Variants in NR6A1 observed in about 807,000 individuals in gnomAD.
NR6A1 encodes the protein retinoic acid receptor-related testis-associated receptor.
NR6A1 carries 7 observed loss-of-function variants against 59.1 expected under a neutral mutation model. That is an observed-to-expected ratio of 0.12 (90% CI 0.07 to 0.22). The LOEUF (loss-of-function observed/expected upper bound fraction) is 0.22. Among genes scored for constraint, NR6A1 ranks in the 10% least tolerant of loss-of-function variants. The pLI is 1.00. For synonymous variants in NR6A1, 243 were observed against 236.1 expected (o/e 1.03, Z -0.27); for missense variants, 468 against 611.6 (o/e 0.77, Z 2.48).
At chr9:124,640,566 C>T (rs1836742439) in intron 2 of NR6A1, among the ~76,000 whole-genome samples, 1 of 151,900 alleles carries the variant, frequency 6.6e-6, no homozygotes, top group African/African-American at 2.4e-5. Context: ...TGCCTGACTA[C>T]TTTTAAAATT....
chr9:124,759,906 G>T (rs757631340), intron 1 of NR6A1, among the ~76,000 whole-genome samples: 5 of 151,856 alleles, frequency 3.3e-5, no homozygotes, highest in Non-Finnish European at 7.4e-5. Flanking sequence ...TGGGTGCGAT[G>T]GTGGGCACCT....
chr9:124,531,687 A>G (rs539266323), intron 7 of NR6A1, among the ~76,000 whole-genome samples: 2 of 152,228 alleles, frequency 1.3e-5, no homozygotes, highest in South Asian at 4.1e-4. Flanking sequence ...CCAAACTCAG[A>G]GTTACTCATC....
intron 2 of NR6A1, among the ~76,000 whole-genome samples, chr9:124,592,952 G>T (rs1835169949): frequency 3.3e-5 from 5 of 152,252 alleles, no homozygotes; most frequent in Admixed American, 2.6e-4. Flanking sequence ...CTCTGGAAAA[G>T]GATACAGTAA....
intron 1 of NR6A1, among the ~76,000 whole-genome samples, chr9:124,757,473 A>AC (rs1840666581): frequency 6.6e-6 from 1 of 151,924 alleles, no homozygotes; most frequent in South Asian, 2.1e-4. Context: ...AAAAAAAAAA[A>AC]AAAACCTTGG....
chr9:124,558,195 G>A (rs997248221), intron 2 of NR6A1, among the ~76,000 whole-genome samples: 2 of 152,106 alleles, frequency 1.3e-5, no homozygotes, highest in African/African-American at 4.8e-5. Context: ...CCTACAGAAC[G>A]ACAATCAAAT....
chr9:124,570,180 T>C (rs1318044253), intron 2 of NR6A1, among the ~76,000 whole-genome samples: 1 of 152,226 alleles, frequency 6.6e-6, no homozygotes, highest in Non-Finnish European at 1.5e-5. Flanking sequence ...TAATTGACTA[T>C]TCCCCTAGCT....
At chr9:124,606,784 C>T (rs1835587566) in intron 2 of NR6A1, among the ~76,000 whole-genome samples, 1 of 152,178 alleles carries the variant, frequency 6.6e-6, no homozygotes, top group Non-Finnish European at 1.5e-5. Flanking sequence ...TGCCATCACC[C>T]GCTGGCAGCT....
At chr9:124,725,024 T>A (rs1487259265) in intron 2 of NR6A1, among the ~76,000 whole-genome samples, 1 of 152,224 alleles carries the variant, frequency 6.6e-6, no homozygotes, top group African/African-American at 2.4e-5. Context: ...TAAGCAACAA[T>A]GACTTCTATT....
chr9:124,591,851 A>G (rs1396487495), intron 2 of NR6A1, among the ~76,000 whole-genome samples: 1 of 152,092 alleles, frequency 6.6e-6, no homozygotes, highest in Non-Finnish European at 1.5e-5. Context: ...ATTTTTCCTA[A>G]TTATAGCGTT....
intron 2 of NR6A1, among the ~76,000 whole-genome samples, chr9:124,618,425 T>C (rs552660284): frequency 1.1e-4 from 17 of 151,984 alleles, no homozygotes; most frequent in Non-Finnish European, 1.5e-4. Flanking sequence ...GGAGGTTGCA[T>C]TGAGCCGAGA....
chr9:124,689,517 G>A (rs892695608), intron 2 of NR6A1, among the ~76,000 whole-genome samples: 2 of 152,154 alleles, frequency 1.3e-5, no homozygotes, highest in Admixed American at 6.6e-5. Context: ...AAAGCAATGG[G>A]AGACAAGAGA....
chr9:124,609,442 T>G (rs566101199), intron 2 of NR6A1, among the ~76,000 whole-genome samples: 3 of 152,122 alleles, frequency 2.0e-5, no homozygotes, highest in Non-Finnish European at 4.4e-5. Context: ...TATTTCTGAG[T>G]TCTCTATCCT....
chr9:124,754,162 C>G (rs1840579733), intron 1 of NR6A1, among the ~76,000 whole-genome samples: 1 of 152,108 alleles, frequency 6.6e-6, no homozygotes. Flanking sequence ...AGTTCCAACT[C>G]AGAGTAGGAA....
intron 2 of NR6A1, among the ~76,000 whole-genome samples, chr9:124,664,361 C>A (rs986156477): frequency 6.6e-6 from 1 of 152,228 alleles, no homozygotes; most frequent in Non-Finnish European, 1.5e-5. Flanking sequence ...GATATGATGT[C>A]ATATCTTAGC....
At chr9:124,589,425 G>A (rs558377776) in intron 2 of NR6A1, among the ~76,000 whole-genome samples, 2 of 152,232 alleles carry the variant, frequency 1.3e-5, no homozygotes, top group East Asian at 1.9e-4. Flanking sequence ...CGGCCTGGGC[G>A]AAAGAGCGAG....
intron 2 of NR6A1, among the ~76,000 whole-genome samples, chr9:124,581,762 C>T (rs951328295): frequency 2.0e-5 from 3 of 151,732 alleles, no homozygotes; most frequent in Non-Finnish European, 4.4e-5. Flanking sequence ...AAAAGTGGGC[C>T]GAGGATATGA....
At chr9:124,770,942 A>T in intron 1 of NR6A1, 78 bp downstream of exon 1, 1 of 827,548 alleles carries the variant, frequency 1.2e-6, no homozygotes, top group Non-Finnish European at 1.6e-6. Context: ...GAGGGTCGGC[A>T]GAGAGGAGGG....
At chr9:124,712,540 G>A (rs553167898) in intron 2 of NR6A1, among the ~76,000 whole-genome samples, 6 of 151,608 alleles carry the variant, frequency 4.0e-5, no homozygotes, top group African/African-American at 9.7e-5. Flanking sequence ...CCTGGGAGGC[G>A]AAGGATGCAG....
chr9:124,710,926 C>T (rs759873681), intron 2 of NR6A1, among the ~76,000 whole-genome samples: 1 of 152,150 alleles, frequency 6.6e-6, no homozygotes, highest in Non-Finnish European at 1.5e-5. Flanking sequence ...TCATCATTTT[C>T]AAGTTAGTTT....
Sources: gnomAD v4.1 joint callset for allele counts (sites outside exome capture counted in the v4.1 genomes callset) on GRCh38, gnomAD v4.1.1 for gene constraint, MANE v1.5 for transcripts, NCBI Gene and HGNC (gene_info 2026-07-23, HGNC 2026-07-21) for gene names.